The following ROBO2 variants were observed in gnomAD, a reference collection of about 807,000 sequenced individuals.
ROBO2 encodes roundabout homolog 2.
ROBO2 carries 53 observed loss-of-function variants against 160.8 expected under a neutral mutation model. That is an observed-to-expected ratio of 0.33 (90% confidence interval 0.26 to 0.41). ROBO2 has a LOEUF of 0.41. Among genes scored for constraint, ROBO2 ranks in the 10% least tolerant of loss-of-function variants. The pLI, the probability that ROBO2 is intolerant of heterozygous loss-of-function variation, is 1.00. For synonymous variants in ROBO2, 664 were observed against 611.7 expected (o/e 1.09, Z -1.26); for missense variants, 1,577 against 1,722.4 (o/e 0.92, Z 1.49).
At chr3:76,073,419 A>G (rs2068536243) in intron 2 of ROBO2, among the ~76,000 whole-genome samples, 1 of 150,538 alleles carries the variant, frequency 6.6e-6, no homozygotes, top group African/African-American at 2.4e-5. Context: ...CAGCCTCCGG[A>G]GTAGCTGGGA....
intron 2 of ROBO2, among the ~76,000 whole-genome samples, chr3:77,196,589 A>C (rs2082330512): frequency 6.6e-6 from 1 of 152,110 alleles, no homozygotes; most frequent in African/African-American, 2.4e-5. Context: ...GTACTTAATC[A>C]GAATATACTT....
chr3:76,471,467 C>T (rs1053705309), intron 2 of ROBO2, among the ~76,000 whole-genome samples: 2 of 152,014 alleles, frequency 1.3e-5, no homozygotes, highest in African/African-American at 4.8e-5. Context: ...GCCTTGATTG[C>T]CTGACATGAA....
chr3:76,905,878 T>A (rs569942611), intron 2 of ROBO2, among the ~76,000 whole-genome samples: 16 of 152,342 alleles, frequency 1.1e-4, no homozygotes, highest in African/African-American at 3.1e-4. Context: ...TAAAATCTGT[T>A]ACTCATGTTT....
chr3:76,755,402 G>T (rs1007633773), intron 2 of ROBO2, among the ~76,000 whole-genome samples: 3 of 151,800 alleles, frequency 2.0e-5, no homozygotes, highest in African/African-American at 7.2e-5. Context: ...GGTAACTAGG[G>T]GAGTCATGTC....
At chr3:76,099,216 A>C (rs529611316) in intron 2 of ROBO2, among the ~76,000 whole-genome samples, 14 of 152,210 alleles carry the variant, frequency 9.2e-5, no homozygotes, top group African/African-American at 2.9e-4. Context: ...CTCCTCTTCT[A>C]TCTCTCTCAG....
intron 2 of ROBO2, among the ~76,000 whole-genome samples, chr3:77,469,143 C>T (rs1039698732): frequency 6.6e-6 from 1 of 152,064 alleles, no homozygotes; most frequent in Non-Finnish European, 1.5e-5. Context: ...AATTATTATG[C>T]GATGTCAGTG....
chr3:77,291,047 G>C (rs530995389), intron 2 of ROBO2, among the ~76,000 whole-genome samples: 2 of 150,384 alleles, frequency 1.3e-5, no homozygotes, highest in South Asian at 4.2e-4. Flanking sequence ...ATGGTTAAAC[G>C]AGTAAGCTGA....
chr3:76,387,319 G>A (rs1244604965), intron 2 of ROBO2, among the ~76,000 whole-genome samples: 1 of 152,132 alleles, frequency 6.6e-6, no homozygotes, highest in Non-Finnish European at 1.5e-5. Context: ...CACAGTAGCA[G>A]ATCAGAAAGG....
chr3:76,636,008 T>A (rs1259060280), intron 2 of ROBO2, among the ~76,000 whole-genome samples: 1 of 152,220 alleles, frequency 6.6e-6, no homozygotes, highest in East Asian at 1.9e-4. Flanking sequence ...TGATGATTTG[T>A]GTTGATTCAG....
chr3:77,241,777 C>T (rs888939430), intron 2 of ROBO2, among the ~76,000 whole-genome samples: 1 of 152,144 alleles, frequency 6.6e-6, no homozygotes, highest in Non-Finnish European at 1.5e-5. Flanking sequence ...TCCAGCACTG[C>T]AGTATGATTA....
intron 2 of ROBO2, among the ~76,000 whole-genome samples, chr3:77,471,300 G>C (rs2153580161): frequency 6.6e-6 from 1 of 152,298 alleles, no homozygotes; most frequent in East Asian, 1.9e-4. Flanking sequence ...TTTGGGGTGG[G>C]AAAGGATATG....
intron 2 of ROBO2, among the ~76,000 whole-genome samples, chr3:77,403,520 G>C (rs1006849144): frequency 6.6e-6 from 1 of 151,038 alleles, no homozygotes; most frequent in African/African-American, 2.4e-5. Context: ...ATTCATCCAT[G>C]CTGCCATGAA....
intron 19 of ROBO2, among the ~76,000 whole-genome samples, chr3:77,598,277 G>A (rs774190492): frequency 5.9e-5 from 9 of 151,664 alleles, no homozygotes; most frequent in Non-Finnish European, 1.2e-4. Context: ...GACTATATTT[G>A]AAGTTGTATT....
intron 2 of ROBO2, among the ~76,000 whole-genome samples, chr3:77,426,852 A>C (rs959444034): frequency 6.6e-6 from 1 of 152,200 alleles, no homozygotes; most frequent in Admixed American, 6.5e-5. Context: ...CTGTATATGA[A>C]TGTAAAAAGA....
At chr3:75,991,941 A>T (rs961048713) in intron 2 of ROBO2, among the ~76,000 whole-genome samples, 1 of 152,148 alleles carries the variant, frequency 6.6e-6, no homozygotes, top group African/African-American at 2.4e-5. Flanking sequence ...AGATTTGTGG[A>T]ACTTTGAACT....
At chr3:76,461,910 GC>G (rs1272806117) in intron 2 of ROBO2, among the ~76,000 whole-genome samples, 1 of 152,084 alleles carries the variant, frequency 6.6e-6, no homozygotes, top group African/African-American at 2.4e-5. Flanking sequence ...GAGAATAAGA[GC>G]AAAAACTTTA....
At chr3:77,080,040 G>C (rs2068468526) in intron 1 of ROBO2, among the ~76,000 whole-genome samples, 1 of 152,118 alleles carries the variant, frequency 6.6e-6, no homozygotes, top group Non-Finnish European at 1.5e-5. Context: ...AAGATAGATT[G>C]AATTGTAAAG....
At chr3:77,573,572 A>G (rs1169344780) in intron 13 of ROBO2, among the ~76,000 whole-genome samples, 1 of 152,048 alleles carries the variant, frequency 6.6e-6, no homozygotes. Context: ...TTTTTCATTT[A>G]ATATTTGGTA....
chr3:76,384,202 T>G (rs2030898766), intron 2 of ROBO2, among the ~76,000 whole-genome samples: 1 of 152,220 alleles, frequency 6.6e-6, no homozygotes, highest in African/African-American at 2.4e-5. Context: ...TTGTAATTAT[T>G]ACTAAAACTG....
Sources: allele counts gnomAD v4.1 joint callset (sites outside exome capture counted in the v4.1 genomes callset), GRCh38; gene constraint gnomAD v4.1.1; transcripts MANE v1.5; gene names NCBI Gene and HGNC (gene_info 2026-07-23, HGNC 2026-07-21).